Variants in ZNF507 observed in about 807,000 individuals in gnomAD.
ZNF507 encodes the protein zinc finger protein 507.
ZNF507 carries 29 observed loss-of-function variants against 80.0 expected under a neutral mutation model. That is an observed-to-expected ratio of 0.36 (90% CI 0.27 to 0.49). The LOEUF (loss-of-function observed/expected upper bound fraction) is 0.49. ZNF507 is among the 20% of genes least tolerant of loss of function. The pLI, the probability that ZNF507 is intolerant of heterozygous loss-of-function variation, is 0.98. For synonymous variants in ZNF507, 462 were observed against 422.5 expected (o/e 1.09, Z -1.15); for missense variants, 1,081 against 1,152.2 (o/e 0.94, Z 0.90).
intron 4 of ZNF507, chr19:32,357,378 A>C (rs1882034638): frequency 6.6e-6 from 1 of 152,258 alleles, no homozygotes; most frequent in African/African-American, 2.4e-5. Context: ...GCTTTGGTTC[A>C]GCTCACTTAA....
At position 32,354,709 on chromosome 19, in the gene ZNF507, G is replaced by A. The variant is rs151129051; in HGVS notation, c.1879G>A (p.Gly627Arg). Residue 627 changes from glycine (G) to arginine (R), a missense_variant, in exon 3 of 7, where the codon GGA becomes AGA. By Grantham distance (125) the Gly-to-Arg change is moderately radical. Coordinates refer to ENST00000355898, the MANE Select transcript of ZNF507 (RefSeq NM_001136156.2). The stretch of plus-strand genomic sequence containing the variant: ...ACCCAACAGCGATACAAGTTTGTCC[G>A]GAAACAATGTGGTGGAATACATCCC... ...CQPNSDTSLS[G>R]NNVVEYIPNA... is the part of the protein sequence containing the mutation. 42 of 1,614,020 alleles carry A rather than the reference G, an allele frequency of 2.6e-5. No individual in the cohort carries two copies. Among genetic ancestry groups the A allele is most frequent in the African/African-American group, 5.3e-5 (4 of 74,916 alleles).
At chr19:32,371,968 G>A (rs56082153) in intron 5 of ZNF507, among the ~76,000 whole-genome samples, 59,257 of 151,878 alleles carry the variant, frequency 0.39, 13,392 homozygotes, top group Non-Finnish European at 0.53. Flanking sequence ...GGAGTCTTGC[G>A]GGGGAAATGA....
At position 32,354,841 on chromosome 19, in the gene ZNF507, T is replaced by C; in HGVS notation, c.2011T>C (p.Cys671Arg). Residue 671 changes from cysteine to arginine, a missense_variant, in exon 3 of 7, where the codon TGT (cysteine) becomes CGT (arginine). Coordinates refer to ENST00000355898, the MANE Select transcript of ZNF507 (RefSeq NM_001136156.2). ...CCATCGACAGAGACAGCCTTATCAG[T>C]GTCCTATCTGCGAGCACATAGCGGA... ...RVHRQRQPYQ[C>R]PICEHIADNS... is the part of the protein sequence containing the mutation. 1.9e-6 allele frequency: 3 copies of C among 1,614,212 alleles called. No homozygotes were observed. The highest frequency in any genetic ancestry group is 2.5e-6 in the Non-Finnish European group (3 of 1,180,032).
intron 5 of ZNF507, among the ~76,000 whole-genome samples, chr19:32,368,055 G>A (rs969245173): frequency 6.6e-6 from 1 of 152,110 alleles, no homozygotes; most frequent in Admixed American, 6.5e-5. Context: ...TCTCAGAGCC[G>A]GGGCCTGAAC....
intron 5 of ZNF507, among the ~76,000 whole-genome samples, chr19:32,366,323 T>C (rs1045315031): frequency 8.5e-5 from 13 of 152,326 alleles, no homozygotes; most frequent in African/African-American, 2.9e-4. Flanking sequence ...CACAAACCAT[T>C]ATGAGCTCTT....
At position 32,356,738 on chromosome 19, in the gene ZNF507, CTATG is replaced by C; in HGVS notation, c.2245+9_2245+12del. On this transcript the variant is annotated splice_donor_region_variant and intron_variant, in intron 4 of 6. Coordinates refer to ENST00000355898, the MANE Select transcript of ZNF507 (RefSeq NM_001136156.2). ...ATGGAAAATGTGTCCAGGAAGGTAT[CTATG>C]TATTTTGTTATGCAGGCTGCAGTGA... The C allele has an allele frequency of 6.2e-7, 1 of 1,609,244 alleles. No homozygotes were observed. Among genetic ancestry groups the C allele is most frequent in the Admixed American group, 1.7e-5 (1 of 60,018 alleles).
In ZNF507 at chr19:32,382,794, A is replaced by G. The variant is rs779740669; in HGVS notation, c.2573A>G (p.Glu858Gly). The G allele has an allele frequency of 6.2e-7, 1 of 1,614,062 alleles. No homozygotes were observed. Among genetic ancestry groups the G allele is most frequent in the Non-Finnish European group, 8.5e-7 (1 of 1,179,966 alleles). The part of the protein sequence containing the change: ...ESADPVTGSS[E>G]NAVSSSELMS... ...GCAGATCCCGTCACTGGAAGTTCAGAAAATGCAGTGTCATCTTCAGAACTG... is the reference window on the plus strand; with the variant it reads ...GCAGATCCCGTCACTGGAAGTTCAGGAAATGCAGTGTCATCTTCAGAACTG... The change falls in exon 7 of 7, where the codon GAA (glutamate) becomes GGA (glycine). Residue 858 changes from glutamate (E) to glycine (G), a missense_variant. Glu to Gly is a moderately conservative substitution (Grantham distance 98). Transcript: ENST00000355898.
chr19:32,346,351 G>T (rs1031369665), intron 1 of ZNF507, among the ~76,000 whole-genome samples: 2 of 152,202 alleles, frequency 1.3e-5, no homozygotes, highest in African/African-American at 4.8e-5. Flanking sequence ...CGGAATGAAT[G>T]GTTTGTGTAG....
intron 5 of ZNF507, among the ~76,000 whole-genome samples, chr19:32,377,210 G>A (rs1023862574): frequency 5.9e-5 from 9 of 152,118 alleles, no homozygotes; most frequent in African/African-American, 2.2e-4. Flanking sequence ...GCTAAGTAGC[G>A]AGTGTTTTTC....
Position 32,380,479 on chromosome 19 carries a change from C to T in ZNF507, c.2361-1988C>T, listed in dbSNP as rs1386418504. The stretch of plus-strand genomic sequence containing the variant: ...AAAAGAATACAGCTGCATGCTATCA[C>T]AAAGTTAAATTGGAGGTGGGTGAGA... On this transcript the variant is annotated intron_variant, in intron 5 of 6. Coordinates refer to ENST00000355898, the MANE Select transcript of ZNF507 (RefSeq NM_001136156.2). 3 of 928,064 alleles carry T rather than the reference C, an allele frequency of 3.2e-6. No homozygotes were observed. The South Asian group carries it at 4.3e-5, about 13-fold the overall frequency. The allele number at this position is 928,064 out of a possible 1,614,324, so 57.5% of individuals were successfully genotyped here.
In ZNF507 at chr19:32,374,364, A is replaced by G. The variant is rs193265002; in HGVS notation, c.2361-8103A>G. ...GAATGTTAGTTTTGTGGCTTTATTG[A>G]GTTATTATTTGTAACAGTTTTTAAT... On this transcript the variant is annotated intron_variant, in intron 5 of 6. Transcript: ENST00000355898. 1.8e-3 allele frequency among the ~76,000 whole-genome samples: 273 copies of G among 152,130 alleles called. 2 individuals are homozygous for G. The highest frequency in any genetic ancestry group is 6.5e-3 in the African/African-American group (268 of 41,484).
intron 5 of ZNF507, among the ~76,000 whole-genome samples, chr19:32,361,173 A>C (rs1229351943): frequency 2.6e-5 from 4 of 152,176 alleles, no homozygotes; most frequent in African/African-American, 9.7e-5. Flanking sequence ...AGGCAATAAA[A>C]TTTTCTATGA....
chr19:32,350,404 T>A (rs1967147620), intron 2 of ZNF507, among the ~76,000 whole-genome samples: 1 of 152,220 alleles, frequency 6.6e-6, no homozygotes, highest in African/African-American at 2.4e-5. Context: ...CAGGGAAAAT[T>A]GGAGCATCTG....
rs547750133 is a variant in ZNF507, at chr19:32,371,403, G to C, written c.2360+10785G>C. ...GCAGGAGAATCACCTGAACCTGGGA[G>C]GGGGAGGTTGCAGTCAGCCAAGATC... On this transcript the variant is annotated intron_variant, in intron 5 of 6. Coordinates refer to ENST00000355898, the MANE Select transcript of ZNF507 (RefSeq NM_001136156.2). Among the ~76,000 whole-genome samples, 325 of 151,252 alleles carry C rather than the reference G, an allele frequency of 2.1e-3. 1 individual carries two copies. The highest frequency in any genetic ancestry group is 3.7e-3 in the Non-Finnish European group (250 of 67,870).
chr19:32,351,009 T>C (rs1967155580), intron 2 of ZNF507, among the ~76,000 whole-genome samples: 1 of 152,234 alleles, frequency 6.6e-6, no homozygotes, highest in South Asian at 2.1e-4. Flanking sequence ...GTCTCCTCTT[T>C]AATGACTTAC....
At chr19:32,349,564 T>G (rs772179520) in intron 2 of ZNF507, among the ~76,000 whole-genome samples, 16 of 152,244 alleles carry the variant, frequency 1.1e-4, no homozygotes, top group Non-Finnish European at 2.4e-4. Context: ...CAACTCAGTT[T>G]TAAACTGCAA....
At chr19:32,354,995 G>A (rs570430779) in intron 3 of ZNF507, 38 bp downstream of exon 3, 29 of 1,514,422 alleles carry the variant, frequency 1.9e-5, no homozygotes, top group Admixed American at 1.0e-4. Context: ...GAGGACCTTC[G>A]CATCTTAGAG....
chr19:32,369,891 G>A (rs1283194525), intron 5 of ZNF507, among the ~76,000 whole-genome samples: 2 of 151,920 alleles, frequency 1.3e-5, no homozygotes, highest in Non-Finnish European at 2.9e-5. Context: ...TTTGTATGCC[G>A]GAATCTTCTC....
intron 5 of ZNF507, among the ~76,000 whole-genome samples, chr19:32,379,802 T>C (rs1414841659): frequency 6.6e-6 from 1 of 152,012 alleles, no homozygotes; most frequent in Non-Finnish European, 1.5e-5. Flanking sequence ...TGTTTTTTTT[T>C]CCACTTTGTA....
Sources: gnomAD v4.1 joint callset for allele counts (sites outside exome capture counted in the v4.1 genomes callset) on GRCh38, gnomAD v4.1.1 for gene constraint, MANE v1.5 for transcripts, NCBI Gene and HGNC (gene_info 2026-07-23, HGNC 2026-07-21) for gene names.